The following TNIK variants were observed in gnomAD, a reference collection of about 807,000 sequenced individuals.
TNIK encodes TRAF2 and NCK-interacting protein kinase.
Under a neutral mutation model 191.3 loss-of-function variants are expected in TNIK, and 49 were observed. That is an observed-to-expected ratio of 0.26 (90% CI 0.20 to 0.32). TNIK has a LOEUF of 0.32. TNIK is among the 10% of genes least tolerant of loss of function. The probability of loss-of-function intolerance (pLI) is 1.00; values close to 1 mark genes in which losing one functional copy is unlikely to be tolerated. For synonymous variants in TNIK, 594 were observed against 600.9 expected, an observed-to-expected ratio of 0.99 and a Z score of 0.17; for missense variants, 1,155 against 1,702.3, an observed-to-expected ratio of 0.68 and a Z score of 5.66.
At chr3:171,092,157 C>T (rs1165369676) in intron 23 of TNIK, among the ~76,000 whole-genome samples, 1 of 151,974 alleles carries the variant, frequency 6.6e-6, no homozygotes, top group Admixed American at 6.6e-5. Context: ...ACTGTGTTAG[C>T]CAGGATGGTC....
At chr3:171,365,538 G>T (rs970157991) in intron 2 of TNIK, among the ~76,000 whole-genome samples, 2 of 152,108 alleles carry the variant, frequency 1.3e-5, no homozygotes, top group Non-Finnish European at 2.9e-5. Flanking sequence ...AATAGCTCTA[G>T]AGGTATGAAA....
chr3:171,125,921 A>C lies in TNIK; in HGVS notation c.2004T>G (p.Ile668Met), dbSNP rs774501740. The C allele has an allele frequency of 6.2e-7, 1 of 1,613,976 alleles. No individual in the cohort carries two copies. The highest frequency in any genetic ancestry group is 8.5e-7 in the Non-Finnish European group (1 of 1,179,880). Residue 668 changes from isoleucine (I) to methionine (M), a missense_variant, in exon 17 of 33, where the codon ATT (isoleucine) becomes ATG (methionine). Around this residue, in one of 3 missense-constraint regions of TNIK, gnomAD observed 735 missense variants for 848.0 expected, o/e 0.87. Coordinates refer to ENST00000436636, the MANE Select transcript of TNIK (RefSeq NM_015028.4). Reference sequence around the variant, plus strand: ...CCCCAGTAAATATTACCTTTGGTGGAATGTCTTCTTCCTGTCGTAACCAAG... The same window carrying C: ...CCCCAGTAAATATTACCTTTGGTGGCATGTCTTCTTCCTGTCGTAACCAAG... ...RSSWLRQEED[I>M]PPKVPQRTTS...
At chr3:171,170,577 A>G (rs573442563) in intron 9 of TNIK, among the ~76,000 whole-genome samples, 1 of 152,326 alleles carries the variant, frequency 6.6e-6, no homozygotes, top group African/African-American at 2.4e-5. Context: ...TATCTCAAAA[A>G]AAGTTATGAT....
At chr3:171,178,542 C>T (rs1411505184) in intron 7 of TNIK, among the ~76,000 whole-genome samples, 1 of 152,238 alleles carries the variant, frequency 6.6e-6, no homozygotes, top group East Asian at 1.9e-4. Flanking sequence ...CCTGTACAAT[C>T]TCCATCTCTA....
At chr3:171,293,288 A>T (rs1039877107) in intron 2 of TNIK, among the ~76,000 whole-genome samples, 5 of 152,062 alleles carry the variant, frequency 3.3e-5, no homozygotes, top group Admixed American at 2.6e-4. Context: ...GTCTCATTTT[A>T]CTCCACGCCT....
chr3:171,151,651 A>G (rs1560186432), intron 12 of TNIK, among the ~76,000 whole-genome samples: 1 of 152,236 alleles, frequency 6.6e-6, no homozygotes, highest in Non-Finnish European at 1.5e-5. Flanking sequence ...CCTAATAAGG[A>G]AGAAAGCTGG....
At chr3:171,309,418 G>A (rs1753788138) in intron 2 of TNIK, among the ~76,000 whole-genome samples, 1 of 152,128 alleles carries the variant, frequency 6.6e-6, no homozygotes, top group African/African-American at 2.4e-5. Context: ...GAGGATGGGA[G>A]GAGGGTGAGG....
At chr3:171,313,385 A>ATG (rs1048102639) in intron 2 of TNIK, among the ~76,000 whole-genome samples, 2 of 152,058 alleles carry the variant, frequency 1.3e-5, no homozygotes, top group African/African-American at 4.8e-5. Context: ...AAAGCTGTGG[A>ATG]TGTGAGGGGT....
At chr3:171,277,401 T>C (rs1283541541) in intron 2 of TNIK, among the ~76,000 whole-genome samples, 1 of 152,006 alleles carries the variant, frequency 6.6e-6, no homozygotes, top group Non-Finnish European at 1.5e-5. Context: ...ACATTCAGAA[T>C]AGCTAAAAGA....
chr3:171,351,145 C>G (rs960976235), intron 2 of TNIK, among the ~76,000 whole-genome samples: 1 of 152,110 alleles, frequency 6.6e-6, no homozygotes, highest in Admixed American at 6.6e-5. Context: ...CCCACCTCGG[C>G]CTCCCAAAGC....
intron 1 of TNIK, among the ~76,000 whole-genome samples, chr3:171,386,933 CT>C (rs1271263638): frequency 6.6e-6 from 1 of 152,144 alleles, no homozygotes; most frequent in Non-Finnish European, 1.5e-5. Context: ...TTATTATTGT[CT>C]TACCTTTCAG....
chr3:171,436,118 T>G (rs190605026), intron 1 of TNIK, among the ~76,000 whole-genome samples: 82 of 152,302 alleles, frequency 5.4e-4, no homozygotes, highest in African/African-American at 1.8e-3. Flanking sequence ...AAACTCCCAC[T>G]CCTGACCTTC....
At chr3:171,311,587 A>G (rs1754020573) in intron 2 of TNIK, among the ~76,000 whole-genome samples, 1 of 152,114 alleles carries the variant, frequency 6.6e-6, no homozygotes. Context: ...GCACACGCTG[A>G]TTTTTCTACA....
intron 19 of TNIK, among the ~76,000 whole-genome samples, chr3:171,108,686 T>G (rs1207371125): frequency 6.6e-6 from 1 of 152,228 alleles, no homozygotes; most frequent in African/African-American, 2.4e-5. Flanking sequence ...CAGGATAGGT[T>G]ATTTTGTTGA....
chr3:171,209,698 C>T lies in TNIK; in HGVS notation c.306+1418G>A, dbSNP rs560133862. ...ATATAAACTATATAAAATGTGTTTACCCCCAAATAATTTTTCTTTTAAATT... is the reference window on the plus strand; with the variant it reads ...ATATAAACTATATAAAATGTGTTTATCCCCAAATAATTTTTCTTTTAAATT... On this transcript the variant is annotated intron_variant, in intron 4 of 32. Coordinates refer to ENST00000436636, the MANE Select transcript of TNIK (RefSeq NM_015028.4). 5.3e-5 allele frequency among the ~76,000 whole-genome samples: 8 copies of T among 152,072 alleles called. No individual in the cohort carries two copies. The East Asian group carries it at 1.4e-3, about 26-fold the overall frequency.
Position 171,457,414 on chromosome 3 carries a change from G to A in TNIK, c.57+2593C>T, listed in dbSNP as rs190721403. Among the ~76,000 whole-genome samples, 432 of 152,320 alleles carry A rather than the reference G, an allele frequency of 2.8e-3. 3 individuals carry two copies. Among genetic ancestry groups the A allele is most frequent in the African/African-American group, 9.7e-3 (404 of 41,562 alleles). On this transcript the variant is annotated intron_variant, in intron 1 of 32. Transcript: ENST00000436636. ...TGACTGTGTACATTAAAGAGCCACC[G>A]AAACAGCGAGGGACTGGTAAGTCTG...
At chr3:171,405,764 T>C (rs1025908332) in intron 1 of TNIK, among the ~76,000 whole-genome samples, 2 of 152,106 alleles carry the variant, frequency 1.3e-5, no homozygotes, top group African/African-American at 4.8e-5. Context: ...GAAGTAAGAG[T>C]ATGATATCTT....
chr3:171,224,076 A>C (rs2108972512), intron 3 of TNIK, among the ~76,000 whole-genome samples: 1 of 152,270 alleles, frequency 6.6e-6, no homozygotes, highest in Middle Eastern at 3.4e-3. Flanking sequence ...TGATATTCAG[A>C]CTGGCACCTT....
intron 7 of TNIK, among the ~76,000 whole-genome samples, chr3:171,179,128 C>A (rs1024455641): frequency 1.3e-5 from 2 of 152,154 alleles, no homozygotes; most frequent in Non-Finnish European, 2.9e-5. Flanking sequence ...GTTCTCAGTT[C>A]AACTGGGAAT....
Sources: allele counts gnomAD v4.1 joint callset (sites outside exome capture counted in the v4.1 genomes callset), GRCh38; gene constraint gnomAD v4.1.1; regional missense constraint gnomAD v4.1.1; transcripts MANE v1.5; gene names NCBI Gene and HGNC (gene_info 2026-07-23, HGNC 2026-07-21).